The following ZNHIT6 variants were observed in gnomAD, a reference collection of about 807,000 sequenced individuals.
The protein encoded by ZNHIT6 is zinc finger HIT-type containing 6.
Under a neutral mutation model 57.2 loss-of-function variants are expected in ZNHIT6, and 45 were observed. The observed-to-expected ratio is 0.79, with a 90% confidence interval of 0.62 to 1.01. ZNHIT6 has a LOEUF of 1.01. ZNHIT6 is among the 50% of genes least tolerant of loss of function. ZNHIT6 has a pLI of 0.00. For synonymous variants in ZNHIT6, 188 were observed against 190.0 expected, an observed-to-expected ratio of 0.99 and a Z score of 0.09; for missense variants, 528 against 567.3, an observed-to-expected ratio of 0.93 and a Z score of 0.70.
At chr1:85,665,896 C>A (rs1201406077) in intron 8 of ZNHIT6, among the ~76,000 whole-genome samples, 1 of 152,146 alleles carries the variant, frequency 6.6e-6, no homozygotes, top group East Asian at 1.9e-4. Flanking sequence ...GAACTTACAA[C>A]CCAGTCTTTT....
intron 5 of ZNHIT6, among the ~76,000 whole-genome samples, chr1:85,688,424 G>A (rs949011416): frequency 1.2e-4 from 18 of 152,122 alleles, no homozygotes; most frequent in African/African-American, 4.3e-4. Context: ...AATAAACTAT[G>A]TATTTTTCTG....
In ZNHIT6 at chr1:85,657,966, T is replaced by A. The variant is rs141141716; in HGVS notation, c.1253A>T (p.Tyr418Phe). The A allele has an allele frequency of 1.4e-6, 2 of 1,478,300 alleles. No individual in the cohort carries two copies. Among genetic ancestry groups the A allele is most frequent in the Non-Finnish European group, 9.2e-7 (1 of 1,090,552 alleles). 91.6% of individuals were successfully genotyped at this position (1,478,300 alleles called of 1,614,324 possible). ...EYMQQNLVRY[Y>F]ELDPYKSLLD... Reference sequence around the variant, plus strand: ...GAGACTTTTATAAGGATCTAGTTCATAATATCTTATTAATAAAAAAAAACA... The same window carrying A: ...GAGACTTTTATAAGGATCTAGTTCAAAATATCTTATTAATAAAAAAAAACA... The change falls in exon 9 of 10, where the codon TAT becomes TTT. Residue 418 changes from tyrosine (Y) to phenylalanine (F), a missense_variant. Transcript: ENST00000370574.
intron 8 of ZNHIT6, 59 bp from the exon 9 acceptor site, chr1:85,658,030 T>C (rs532968671): frequency 6.5e-5 from 75 of 1,157,416 alleles, no homozygotes; most frequent in Non-Finnish European, 8.5e-5. Context: ...AAATTACTAA[T>C]AGATAAATAT....
chr1:85,654,145 G>A (rs760335085), intron 9 of ZNHIT6, 47 bp from the exon 10 acceptor site: 1 of 1,552,780 alleles, frequency 6.4e-7, no homozygotes, highest in South Asian at 1.2e-5. Context: ...ATATTTTTCT[G>A]TTTAGGTTGC....
chr1:85,693,337 AC>A (rs1325809406), intron 5 of ZNHIT6, among the ~76,000 whole-genome samples: 2 of 152,178 alleles, frequency 1.3e-5, no homozygotes, highest in African/African-American at 4.8e-5. Flanking sequence ...GAAGCTTACA[AC>A]GTGAGTGAGT....
chr1:85,708,152 C>T lies in ZNHIT6; in HGVS notation c.133G>A (p.Gly45Arg). ...CCTGTCAGCCCTGTCCCCTCCTCTC[C>T]GCCGCCGAACTCCTCCGCCCCTGCT... ...DLAGAEEFGG[G>R]EEGTGLTGIK... Residue 45 changes from glycine to arginine, a missense_variant, in exon 1 of 10, where the codon GGA becomes AGA. Coordinates refer to ENST00000370574, the MANE Select transcript of ZNHIT6 (RefSeq NM_017953.4). 1 of 1,614,182 alleles carries T rather than the reference C, an allele frequency of 6.2e-7. No homozygotes were observed. Among genetic ancestry groups the T allele is most frequent in the Non-Finnish European group, 8.5e-7 (1 of 1,180,040 alleles).
At position 85,682,710 on chromosome 1, in the gene ZNHIT6, G is replaced by C. The variant is rs116273309; in HGVS notation, c.1020-1806C>G. On this transcript the variant is annotated intron_variant, in intron 5 of 9. Coordinates refer to ENST00000370574, the MANE Select transcript of ZNHIT6 (RefSeq NM_017953.4). ...AAAAGTACACTAACTTTTAAAATGT[G>C]ATCTTCCAATATTTCAAAAACAAAG... is the stretch of plus-strand genomic sequence containing the variant. Among the ~76,000 whole-genome samples, 1,322 of 152,224 alleles carry C rather than the reference G, an allele frequency of 8.7e-3. 19 individuals carry two copies. The highest frequency in any genetic ancestry group is 0.03 in the African/African-American group (1,251 of 41,540).
Position 85,706,436 on chromosome 1 carries a change from G to C in ZNHIT6, c.722+6C>G. On this transcript the variant is annotated splice_donor_region_variant and intron_variant, in intron 2 of 9. Transcript: ENST00000370574. ...CAGGTTAAAAGGTAGGAAGTTACAT[G>C]TATACCTGCAGGAATATCGCATACA... The C allele has an allele frequency of 6.2e-7, 1 of 1,612,720 alleles. No homozygotes were observed. The highest frequency in any genetic ancestry group is 8.5e-7 in the Non-Finnish European group (1 of 1,179,674).
intron 4 of ZNHIT6, among the ~76,000 whole-genome samples, chr1:85,703,863 T>C (rs1167220864): frequency 6.6e-6 from 1 of 152,142 alleles, no homozygotes; most frequent in Non-Finnish European, 1.5e-5. Flanking sequence ...GAAGAAGGTA[T>C]TTATAACATA....
At chr1:85,663,465 T>C (rs1306973849) in intron 8 of ZNHIT6, among the ~76,000 whole-genome samples, 2 of 152,246 alleles carry the variant, frequency 1.3e-5, no homozygotes, top group Non-Finnish European at 2.9e-5. Flanking sequence ...TTAGAATTAA[T>C]GCATGTGAAA....
At chr1:85,655,439 G>C (rs945640242) in intron 9 of ZNHIT6, among the ~76,000 whole-genome samples, 2 of 152,170 alleles carry the variant, frequency 1.3e-5, no homozygotes, top group Non-Finnish European at 2.9e-5. Flanking sequence ...TCAATTTTGG[G>C]TTGGATTCCT....
intron 5 of ZNHIT6, among the ~76,000 whole-genome samples, chr1:85,700,645 T>C (rs1007722813): frequency 1.3e-5 from 2 of 152,206 alleles, no homozygotes; most frequent in Non-Finnish European, 2.9e-5. Context: ...TTCTGAATAG[T>C]TTCTTTCATA....
chr1:85,663,398 T>C (rs1180259244), intron 8 of ZNHIT6, among the ~76,000 whole-genome samples: 3 of 152,216 alleles, frequency 2.0e-5, no homozygotes, highest in Non-Finnish European at 4.4e-5. Flanking sequence ...TAAGTCAATT[T>C]TTCAGAGCCT....
At chr1:85,670,560 C>T (rs541907350) in intron 8 of ZNHIT6, among the ~76,000 whole-genome samples, 14 of 152,150 alleles carry the variant, frequency 9.2e-5, no homozygotes, top group South Asian at 4.1e-4. Context: ...AAGATGCCTA[C>T]GGCAACCACT....
chr1:85,705,974 T>C (rs1662672598), intron 4 of ZNHIT6, 104 bp downstream of exon 4: 4 of 937,038 alleles, frequency 4.3e-6, no homozygotes, highest in Middle Eastern at 6.6e-4. Flanking sequence ...AGAATAGCTC[T>C]ACATCATGGT....
chr1:85,678,901 T>C (rs1239542305), intron 6 of ZNHIT6, 120 bp from the exon 7 acceptor site: 1 of 523,412 alleles, frequency 1.9e-6, no homozygotes, highest in Admixed American at 4.2e-5. Context: ...ACAAAGACCT[T>C]TTATATTACT....
At chr1:85,703,470 G>C (rs1028714419) in intron 4 of ZNHIT6, among the ~76,000 whole-genome samples, 4 of 152,118 alleles carry the variant, frequency 2.6e-5, no homozygotes, top group Non-Finnish European at 4.4e-5. Flanking sequence ...AAAAGACAAG[G>C]CCACAAAATG....
At chr1:85,664,693 C>T (rs760307479) in intron 8 of ZNHIT6, among the ~76,000 whole-genome samples, 3 of 151,716 alleles carry the variant, frequency 2.0e-5, no homozygotes, top group Non-Finnish European at 4.4e-5. Context: ...ACCTGCGTGA[C>T]GAAATAATCT....
chr1:85,680,725 T>A, intron 6 of ZNHIT6, 111 bp downstream of exon 6: 1 of 725,206 alleles, frequency 1.4e-6, no homozygotes, highest in South Asian at 2.1e-5. Context: ...ATTGTATAAA[T>A]ACACCACAAT....
Sources: gnomAD v4.1 joint callset for allele counts (sites outside exome capture counted in the v4.1 genomes callset) on GRCh38, gnomAD v4.1.1 for gene constraint, MANE v1.5 for transcripts, NCBI Gene and HGNC (gene_info 2026-07-23, HGNC 2026-07-21) for gene names.